Variants in THUMPD3 observed in about 807,000 individuals in gnomAD.
The protein encoded by THUMPD3 is tRNA (guanine(6)-N(2))-methyltransferase THUMP3.
THUMPD3 carries 44 observed loss-of-function variants against 54.5 expected under a neutral mutation model. That is an observed-to-expected ratio of 0.81 (90% CI 0.63 to 1.04). THUMPD3 has a LOEUF of 1.04. THUMPD3 is among the 50% of genes least tolerant of loss of function. The pLI is 0.00. For missense variants in THUMPD3, 604 were observed against 601.3 expected (o/e 1.00, Z -0.05); for synonymous variants, 196 against 201.4 (o/e 0.97, Z 0.23).
intron 3 of THUMPD3, among the ~76,000 whole-genome samples, chr3:9,368,923 T>A (rs886578879): frequency 1.3e-5 from 2 of 152,232 alleles, no homozygotes; most frequent in Non-Finnish European, 2.9e-5. Context: ...TACATACTTT[T>A]CTGCGCTATG....
At chr3:9,380,944 G>C (rs1435776597) in intron 7 of THUMPD3, 1 of 195,324 alleles carries the variant, frequency 5.1e-6, no homozygotes, top group African/African-American at 2.4e-5. Flanking sequence ...CTTCTTTTTT[G>C]CTTTGGGTAC....
chr3:9,371,313 AG>A lies in THUMPD3; in HGVS notation c.586del (p.Asp196MetfsTer5), dbSNP rs1454702768. The A allele has an allele frequency of 6.2e-7, 1 of 1,614,154 alleles. No homozygotes were observed. The highest frequency in any genetic ancestry group is 2.2e-5 in the East Asian group (1 of 44,886). The stretch of plus-strand genomic sequence containing the variant: ...TATTATGAAAATCCAGCCATCAAAG[AG>A]GATGTATCAACATTAATAGGTGATG... Reference protein sequence around the residue: ...LDYYENPAIKEDVSTLIGDDL... With the variant: ...LDYYENPAIKXDVSTLIGDDL... On this transcript the variant is annotated frameshift_variant, in exon 4 of 10. Coordinates refer to ENST00000452837, the MANE Select transcript of THUMPD3 (RefSeq NM_001114092.2). LOFTEE classifies it high-confidence loss of function.
rs2033308668 is a variant in THUMPD3 at position 9,386,033 on chromosome 3, A to G, written c.*1345A>G. The G allele has an allele frequency of 6.6e-6, 1 of 152,214 alleles. No individual in the cohort carries two copies. The highest frequency in any genetic ancestry group is 6.5e-5 in the Admixed American group (1 of 15,282). 9.4% of individuals were successfully genotyped at this position (152,214 alleles called of 1,614,324 possible). A position where few individuals can be genotyped will look rare whatever the true frequency, so the allele number is the denominator to read the frequency against. On this transcript the variant is annotated 3_prime_UTR_variant, in exon 10 of 10. Coordinates refer to ENST00000452837, the MANE Select transcript of THUMPD3 (RefSeq NM_001114092.2). ...ATTTTCAGTATCCTATTAGTATTAT[A>G]ATAGTACTCCTCTTAATACTTTCTG...
At position 9,365,322 on chromosome 3, in the gene THUMPD3, T is replaced by G. The variant is rs1559298231; in HGVS notation, c.252+2T>G. On this transcript the variant is annotated splice_donor_variant, in intron 2 of 9. Coordinates refer to ENST00000452837, the MANE Select transcript of THUMPD3 (RefSeq NM_001114092.2). LOFTEE classifies it high-confidence loss of function. ...ATTTCAGTGGAAAGTCTGGCACAGG[T>G]TTGAATGGAGCAATATTTAAAATAG... 1 of 1,614,116 alleles carries G rather than the reference T, an allele frequency of 6.2e-7. No individual in the cohort carries two copies. The highest frequency in any genetic ancestry group is 1.3e-5 in the African/African-American group (1 of 75,042).
chr3:9,373,105 A>T (rs934180257), intron 4 of THUMPD3, among the ~76,000 whole-genome samples: 7 of 152,088 alleles, frequency 4.6e-5, no homozygotes, highest in African/African-American at 1.4e-4. Flanking sequence ...TAAATATTTT[A>T]AAAAATAAAA....
Position 9,384,793 on chromosome 3 carries a change from C to G in THUMPD3, c.*105C>G. On this transcript the variant is annotated 3_prime_UTR_variant, in exon 10 of 10. Transcript: ENST00000452837. ...AAACTGCAGTCTGCACTCTTTAAACCTGTTTAAGGCTCTTCATCCTGGTTA... is the reference window on the plus strand; with the variant it reads ...AAACTGCAGTCTGCACTCTTTAAACGTGTTTAAGGCTCTTCATCCTGGTTA... The G allele has an allele frequency of 4.8e-6, 6 of 1,262,746 alleles. No individual in the cohort carries two copies. Among genetic ancestry groups the G allele is most frequent in the Non-Finnish European group, 6.6e-6 (6 of 906,580 alleles). 78.2% of individuals were successfully genotyped at this position (1,262,746 alleles called of 1,614,324 possible).
intron 5 of THUMPD3, 56 bp downstream of exon 5, chr3:9,374,702 CTTCAAAATACTGATTTGTGTGTATG>C: frequency 6.3e-7 from 1 of 1,586,480 alleles, no homozygotes; most frequent in South Asian, 1.1e-5. Flanking sequence ...TGAATGTTCC[CTTCAAAATACTGATTTGTGTGTATG>C]TGTGTTTGAG....
At position 9,385,078 on chromosome 3, in the gene THUMPD3, T is replaced by TGCGGTGAGTCGAGATC. The variant is rs1296197170; in HGVS notation, c.*391_*406dup. 1 of 180,102 alleles carries TGCGGTGAGTCGAGATC rather than the reference T, an allele frequency of 5.6e-6. No individual in the cohort carries two copies. Among genetic ancestry groups the TGCGGTGAGTCGAGATC allele is most frequent in the Non-Finnish European group, 1.2e-5 (1 of 83,394 alleles). The allele number at this position is 180,102 out of a possible 1,614,324, so 11.2% of individuals were successfully genotyped here. A position where few individuals can be genotyped will look rare whatever the true frequency, so the allele number is the denominator to read the frequency against. On this transcript the variant is annotated 3_prime_UTR_variant, in exon 10 of 10. Transcript: ENST00000452837. The stretch of plus-strand genomic sequence containing the variant: ...TCACTTGAACCCAGCAGGCGGAGGT[T>TGCGGTGAGTCGAGATC]GCGGTGAGTCGAGATCACGCCATTG...
In THUMPD3 at chr3:9,384,923, AT is replaced by A; in HGVS notation, c.*236del. 1 of 463,700 alleles carries A rather than the reference AT, an allele frequency of 2.2e-6. No individual in the cohort carries two copies. The highest frequency in any genetic ancestry group is 3.9e-6 in the Non-Finnish European group (1 of 257,470). 28.7% of individuals were successfully genotyped at this position (463,700 alleles called of 1,614,324 possible). Reference sequence around the variant, plus strand: ...CAGTTTAGGAAGCCGAAGTGTGCAGATCACCTGAGGTCCGGAGACCAGCCTG... The same window carrying A: ...CAGTTTAGGAAGCCGAAGTGTGCAGACACCTGAGGTCCGGAGACCAGCCTG... On this transcript the variant is annotated 3_prime_UTR_variant, in exon 10 of 10. Transcript: ENST00000452837.
At chr3:9,364,108 G>C (rs995544849) in intron 1 of THUMPD3, 3 of 151,724 alleles carry the variant, frequency 2.0e-5, no homozygotes, top group Non-Finnish European at 4.4e-5. Context: ...CAGGAGGGAA[G>C]AAGATAGATA....
chr3:9,367,955 C>T (rs2031695816), intron 3 of THUMPD3, among the ~76,000 whole-genome samples: 1 of 152,122 alleles, frequency 6.6e-6, no homozygotes, highest in African/African-American at 2.4e-5. Context: ...GTCCCAGCTA[C>T]TCAGGAGGCT....
intron 1 of THUMPD3, chr3:9,363,691 T>G (rs2031134856): frequency 1.3e-5 from 2 of 152,042 alleles, no homozygotes; most frequent in South Asian, 4.1e-4. Flanking sequence ...ACTTCCAAGA[T>G]CTCTCTCCTG....
rs756623856 is a variant in THUMPD3, at chr3:9,384,722, G to A, written c.*34G>A. On this transcript the variant is annotated 3_prime_UTR_variant, in exon 10 of 10. Coordinates refer to ENST00000452837, the MANE Select transcript of THUMPD3 (RefSeq NM_001114092.2). The stretch of plus-strand genomic sequence containing the variant: ...AATAGTACTTGTACTTCCCACCACT[G>A]GAAATGTTAGCATAAAAGAACTTGG... 7.5e-6 allele frequency: 12 copies of A among 1,609,708 alleles called. No individual in the cohort carries two copies. In the African/African-American group the frequency reaches 1.5e-4, roughly 20 times the overall value.
intron 7 of THUMPD3, among the ~76,000 whole-genome samples, chr3:9,381,526 G>T (rs2032892290): frequency 6.6e-6 from 1 of 151,812 alleles, no homozygotes; most frequent in African/African-American, 2.4e-5. Flanking sequence ...CCTTTTACGT[G>T]TATTAAGACA....
chr3:9,385,814 A>G lies in THUMPD3; in HGVS notation c.*1126A>G, dbSNP rs71314346. 0.15 allele frequency: 22,077 copies of G among 152,200 alleles called. 1,945 individuals carry two copies. The highest frequency in any genetic ancestry group is 0.21 in the Admixed American group (3,189 of 15,292). The allele number at this position is 152,200 out of a possible 1,614,324, so 9.4% of individuals were successfully genotyped here. ...ATGATATATCTTTGGAAAACTTTTA[A>G]TTTGGGAGTTATGTGAGTTGTTACT... On this transcript the variant is annotated 3_prime_UTR_variant, in exon 10 of 10. Transcript: ENST00000452837.
chr3:9,375,654 G>A (rs921764476), intron 5 of THUMPD3, among the ~76,000 whole-genome samples: 1 of 152,144 alleles, frequency 6.6e-6, no homozygotes, highest in Non-Finnish European at 1.5e-5. Flanking sequence ...TTAATGACAG[G>A]GATACATTCT....
chr3:9,374,375 AT>A, intron 4 of THUMPD3, 140 bp from the exon 5 acceptor site: 1 of 935,704 alleles, frequency 1.1e-6, no homozygotes, highest in East Asian at 2.5e-5. Flanking sequence ...TAAGTTTGGC[AT>A]CAATATGGTG....
At chr3:9,368,360 A>AT (rs764732133) in intron 3 of THUMPD3, among the ~76,000 whole-genome samples, 68,438 of 116,716 alleles carry the variant, frequency 0.59, 20,395 homozygotes, top group South Asian at 0.76. Flanking sequence ...ACCCGCGCAT[A>AT]TTTTTTTTTT....
intron 6 of THUMPD3, among the ~76,000 whole-genome samples, chr3:9,378,730 AGACTGAAATCATAGAAGTCTACATGT>A (rs2032657185): frequency 6.6e-6 from 1 of 152,352 alleles, no homozygotes; most frequent in South Asian, 2.1e-4. Flanking sequence ...TTAAAATCCA[AGACTGAAATCATAGAAGTCTACATGT>A]GACTGTGTTC....
Sources: allele counts gnomAD v4.1 joint callset (sites outside exome capture counted in the v4.1 genomes callset), GRCh38; gene constraint gnomAD v4.1.1; transcripts MANE v1.5; gene names NCBI Gene and HGNC (gene_info 2026-07-23, HGNC 2026-07-21).